GRIK2: variants seen among roughly 807,000 people sequenced by gnomAD.
GRIK2 encodes the protein glutamate ionotropic receptor kainate type subunit 2, also known as glutamate receptor ionotropic, kainate 2.
Under a neutral mutation model 100.3 loss-of-function variants are expected in GRIK2, and 32 were observed. That is an observed-to-expected ratio of 0.32 (90% CI 0.24 to 0.43). The LOEUF (loss-of-function observed/expected upper bound fraction) is 0.43, where lower values mean the gene tolerates loss of function less well. GRIK2 is among the 20% of genes least tolerant of loss of function. GRIK2 has a pLI of 1.00. For missense variants in GRIK2, 843 were observed against 1,114.9 expected (o/e 0.76, Z 3.47); for synonymous variants, 417 against 389.4 (o/e 1.07, Z -0.83).
chr6:101,714,529 A>C (rs1773930735), intron 7 of GRIK2, among the ~76,000 whole-genome samples: 1 of 151,760 alleles, frequency 6.6e-6, no homozygotes, highest in East Asian at 1.9e-4. Context: ...ATCAACTTTT[A>C]AAATATTATC....
chr6:101,747,223 AC>A (rs1776473621), intron 7 of GRIK2, among the ~76,000 whole-genome samples: 1 of 152,176 alleles, frequency 6.6e-6, no homozygotes, highest in Non-Finnish European at 1.5e-5. Context: ...AACACTTGGA[AC>A]CCTTTAAAGG....
chr6:101,454,473 A>G (rs1305257133), intron 2 of GRIK2, among the ~76,000 whole-genome samples: 1 of 152,150 alleles, frequency 6.6e-6, no homozygotes, highest in African/African-American at 2.4e-5. Flanking sequence ...CGTCAGGGGA[A>G]GAACCCATTA....
intron 2 of GRIK2, among the ~76,000 whole-genome samples, chr6:101,415,613 A>C (rs1362233817): frequency 6.6e-6 from 1 of 151,486 alleles, no homozygotes; most frequent in Admixed American, 6.6e-5. Flanking sequence ...CTCGTGATCC[A>C]CCCGCCTCGG....
chr6:101,898,224 A>C (rs1479495955), intron 12 of GRIK2, among the ~76,000 whole-genome samples: 1 of 151,480 alleles, frequency 6.6e-6, no homozygotes, highest in Admixed American at 6.6e-5. Flanking sequence ...TTATTGTAAC[A>C]CTTTTTAATT....
chr6:101,716,543 A>G (rs1452408379), intron 7 of GRIK2, among the ~76,000 whole-genome samples: 1 of 135,800 alleles, frequency 7.4e-6, no homozygotes, highest in Non-Finnish European at 1.5e-5. Context: ...TGGAGAGACA[A>G]TGCTTTTGTA....
At chr6:101,475,650 CTT>C (rs545866047) in intron 2 of GRIK2, among the ~76,000 whole-genome samples, 5 of 151,864 alleles carry the variant, frequency 3.3e-5, no homozygotes, top group African/African-American at 9.6e-5. Context: ...AACTGCAACT[CTT>C]TTTTCATAAT....
chr6:101,814,049 A>C (rs549382253), intron 9 of GRIK2, among the ~76,000 whole-genome samples: 2 of 152,276 alleles, frequency 1.3e-5, no homozygotes, highest in South Asian at 4.1e-4. Flanking sequence ...TTCGTAGAGT[A>C]GATATTTCAA....
At chr6:101,758,708 G>A (rs966270941) in intron 7 of GRIK2, among the ~76,000 whole-genome samples, 1 of 152,168 alleles carries the variant, frequency 6.6e-6, no homozygotes, top group Non-Finnish European at 1.5e-5. Flanking sequence ...TGGGATATAA[G>A]AGCAAGTGAG....
intron 14 of GRIK2, among the ~76,000 whole-genome samples, chr6:101,937,694 C>T (rs1790702019): frequency 6.6e-6 from 1 of 151,520 alleles, no homozygotes. Context: ...ACAAAAAAAC[C>T]CAGACTCTAC....
intron 14 of GRIK2, among the ~76,000 whole-genome samples, chr6:101,935,375 A>G (rs930538539): frequency 2.0e-5 from 3 of 151,834 alleles, no homozygotes; most frequent in Middle Eastern, 3.4e-3. Flanking sequence ...TCAGAGATGT[A>G]TTTTATTTTG....
chr6:101,709,562 A>G (rs567536191), intron 7 of GRIK2, among the ~76,000 whole-genome samples: 2 of 151,966 alleles, frequency 1.3e-5, no homozygotes, highest in Admixed American at 6.6e-5. Context: ...ATGTTTGTCT[A>G]TTTACCAACA....
intron 2 of GRIK2, among the ~76,000 whole-genome samples, chr6:101,494,806 A>G (rs924681805): frequency 2.6e-5 from 4 of 151,294 alleles, no homozygotes; most frequent in Non-Finnish European, 4.4e-5. Context: ...GGTGACATGC[A>G]TCTGTGGTTC....
intron 2 of GRIK2, among the ~76,000 whole-genome samples, chr6:101,401,944 C>T (rs1164043708): frequency 2.6e-5 from 4 of 152,076 alleles, no homozygotes; most frequent in Non-Finnish European, 5.9e-5. Flanking sequence ...GGCTAGGCGC[C>T]GGCAGCCGCC....
chr6:101,671,348 C>T (rs981653325), intron 4 of GRIK2, among the ~76,000 whole-genome samples: 2 of 151,612 alleles, frequency 1.3e-5, no homozygotes, highest in Admixed American at 6.6e-5. Context: ...TACCTCTTCA[C>T]ATAAATATTA....
chr6:101,829,540 G>A (rs1256781803), intron 10 of GRIK2, among the ~76,000 whole-genome samples: 1 of 151,822 alleles, frequency 6.6e-6, no homozygotes, highest in Non-Finnish European at 1.5e-5. Context: ...AATGACTTCA[G>A]CAAAGTCTCA....
intron 2 of GRIK2, among the ~76,000 whole-genome samples, chr6:101,589,922 A>G (rs1205102344): frequency 6.6e-6 from 1 of 152,084 alleles, no homozygotes; most frequent in Non-Finnish European, 1.5e-5. Flanking sequence ...TACCTACTTG[A>G]AGGGGAAACT....
chr6:101,840,805 G>A (rs1783446278), intron 10 of GRIK2, among the ~76,000 whole-genome samples: 1 of 152,036 alleles, frequency 6.6e-6, no homozygotes, highest in East Asian at 1.9e-4. Flanking sequence ...CAAAAAGCAT[G>A]AATTTATTTT....
intron 2 of GRIK2, among the ~76,000 whole-genome samples, chr6:101,450,694 G>A: frequency 6.6e-6 from 1 of 151,290 alleles, no homozygotes; most frequent in Non-Finnish European, 1.5e-5. Context: ...CTTTGATATG[G>A]TGTAACAAAA....
At chr6:101,923,835 C>T (rs1406252062) in intron 12 of GRIK2, among the ~76,000 whole-genome samples, 2 of 149,648 alleles carry the variant, frequency 1.3e-5, no homozygotes, top group Non-Finnish European at 1.5e-5. Flanking sequence ...GCAGGAGAAT[C>T]GCTTGAACCC....
Sources: allele counts gnomAD v4.1 joint callset (sites outside exome capture counted in the v4.1 genomes callset), GRCh38; gene constraint gnomAD v4.1.1; transcripts MANE v1.5; gene names NCBI Gene and HGNC (gene_info 2026-07-23, HGNC 2026-07-21).